The following DDB1 variants were observed in gnomAD, a reference collection of about 807,000 sequenced individuals.
DDB1 encodes DNA damage-binding protein 1.
In DDB1, 18 loss-of-function variants were observed where a neutral mutation model predicts 133.1. The observed-to-expected ratio is 0.14, with a 90% CI of 0.09 to 0.20. DDB1 has a LOEUF of 0.20. Ranked by LOEUF, DDB1 falls within the 10% of genes least tolerant of loss-of-function variation. The pLI is 1.00. For missense variants in DDB1, 828 were observed against 1,459.2 expected (o/e 0.57, Z 7.05); for synonymous variants, 580 against 550.5 (o/e 1.05, Z -0.75).
At position 61,309,944 on chromosome 11, in the gene DDB1, C is replaced by A. The variant is rs779271195; in HGVS notation, c.2418G>T (p.Gln806His). ...TGAGGGCATATTCATTCTGCAGAAA[C>A]TGGTGGGCATGAAGCACTAGAGAGT... Reference protein sequence around the residue: ...QHTFEVLHAHQFLQNEYALSL... With the variant: ...QHTFEVLHAHHFLQNEYALSL... The change falls in exon 20 of 27, where the codon CAG (glutamine) becomes CAT (histidine). Residue 806 changes from glutamine (Q) to histidine (H), a missense_variant. This residue lies in a region of DDB1 where 396 missense variants were observed against 554.1 expected (regional missense o/e 0.71). Transcript: ENST00000301764. 6.2e-7 allele frequency: 1 copy of A among 1,614,222 alleles called. No individual in the cohort carries two copies. The highest frequency in any genetic ancestry group is 8.5e-7 in the Non-Finnish European group (1 of 1,180,042).
At position 61,325,698 on chromosome 11, in the gene DDB1, G is replaced by A. The variant is rs753857720; in HGVS notation, c.675C>T (p.Pro225=). The change falls in exon 6 of 27, where the codon CCC becomes CCT. Residue 225 remains proline (P), a synonymous_variant. Transcript: ENST00000301764. ...EASMVIAVPE[P]FGGAIIIGQE... ...GTCCAATGATGATGGCCCCCCCAAA[G>A]GGCTCTGGGACTGCAGGAAAGACAG... 1 of 1,612,740 alleles carries A rather than the reference G, an allele frequency of 6.2e-7. No individual in the cohort carries two copies. The highest frequency in any genetic ancestry group is 1.7e-5 in the Admixed American group (1 of 59,870).
intron 4 of DDB1, among the ~76,000 whole-genome samples, chr11:61,328,828 C>T (rs1401767566): frequency 6.6e-6 from 1 of 151,982 alleles, no homozygotes; most frequent in Non-Finnish European, 1.5e-5. Context: ...CAAGATCAGG[C>T]CATCGCACTC....
At chr11:61,319,726 G>C (rs28720294) in intron 10 of DDB1, among the ~76,000 whole-genome samples, 1 of 152,148 alleles carries the variant, frequency 6.6e-6, no homozygotes, top group East Asian at 1.9e-4. Context: ...CATTGCGCCC[G>C]GCCTCTCATT....
chr11:61,305,037 C>T (rs1007717046), intron 21 of DDB1, among the ~76,000 whole-genome samples: 2 of 152,222 alleles, frequency 1.3e-5, no homozygotes, highest in African/African-American at 2.4e-5. Flanking sequence ...AAGACAGACT[C>T]AACCCATCTG....
chr11:61,332,775 T>G, intron 1 of DDB1, 133 bp downstream of exon 1: 1 of 739,880 alleles, frequency 1.4e-6, no homozygotes, highest in Non-Finnish European at 2.0e-6. Context: ...CTGGGGGAGG[T>G]TCCTCGGCCG....
intron 4 of DDB1, 77 bp from the exon 5 acceptor site, chr11:61,326,970 G>A: frequency 9.9e-7 from 1 of 1,010,810 alleles, no homozygotes; most frequent in Admixed American, 1.8e-5. Context: ...TAAGGAATAA[G>A]CCACCACTAC....
intron 5 of DDB1, chr11:61,325,956 G>C (rs1856263178): frequency 3.5e-6 from 2 of 564,748 alleles, no homozygotes; most frequent in Non-Finnish European, 6.4e-6. Context: ...TATGGGTGGG[G>C]AGTCTTCTCC....
At chr11:61,331,950 A>G (rs1856384160) in intron 1 of DDB1, 1 of 429,462 alleles carries the variant, frequency 2.3e-6, no homozygotes, top group African/African-American at 2.0e-5. Flanking sequence ...CCAAATGACA[A>G]TGACTGCGTA....
In DDB1 at chr11:61,331,732, G is replaced by T. The variant is rs1324813580; in HGVS notation, c.62-41C>A. 3.1e-6 allele frequency: 5 copies of T among 1,610,768 alleles called. No individual in the cohort carries two copies. The East Asian group carries it at 1.1e-4, about 36-fold the overall frequency. On this transcript the variant is annotated intron_variant, in intron 1 of 26. Transcript: ENST00000301764. Reference sequence around the variant, plus strand: ...CTCTAACTTTTGAACTCAGGGGAAGGGCCTCCCATCCCTTCAAAATAATCC... The same window carrying T: ...CTCTAACTTTTGAACTCAGGGGAAGTGCCTCCCATCCCTTCAAAATAATCC...
In DDB1 at chr11:61,313,885, T is replaced by C. The variant is rs1363549372; in HGVS notation, c.1838A>G (p.Tyr613Cys). The C allele has an allele frequency of 6.2e-7, 1 of 1,613,962 alleles. No homozygotes were observed. The highest frequency in any genetic ancestry group is 8.5e-7 in the Non-Finnish European group (1 of 1,180,006). Residue 613 changes from tyrosine to cysteine, a missense_variant, in exon 15 of 27, where the codon TAC becomes TGC. Tyr to Cys is a radical substitution (Grantham distance 194, BLOSUM62 -2). This residue lies in a region of DDB1 where 396 missense variants were observed against 554.1 expected (regional missense o/e 0.71). Coordinates refer to ENST00000301764, the MANE Select transcript of DDB1 (RefSeq NM_001923.5). ...ACCTGTCTCAATGTTGAGCCCAAAG[T>C]AGAAAAGCGCTCCATCTCCCAAGGC... ...LCALGDGALF[Y>C]FGLNIETGLL... is the part of the protein sequence containing the mutation.
intron 5 of DDB1, chr11:61,326,149 G>A (rs934998314): frequency 3.9e-6 from 1 of 257,838 alleles, no homozygotes; most frequent in African/African-American, 2.3e-5. Flanking sequence ...TCCCTACTGA[G>A]TGAGACAAAC....
At chr11:61,323,332 T>C in intron 7 of DDB1, 1 of 530,996 alleles carries the variant, frequency 1.9e-6, no homozygotes, top group South Asian at 2.4e-5. Context: ...TGCATATTCC[T>C]GCTCCAAAAG....
intron 1 of DDB1, chr11:61,331,972 T>C (rs928817143): frequency 2.4e-5 from 8 of 333,712 alleles, no homozygotes; most frequent in African/African-American, 1.2e-4. Context: ...TCCCTTCTCA[T>C]GCCTCTTGCC....
chr11:61,325,766 C>T, intron 5 of DDB1, 58 bp from the exon 6 acceptor site: 2 of 1,415,696 alleles, frequency 1.4e-6, no homozygotes, highest in East Asian at 4.6e-5. Context: ...CAAACCAGGA[C>T]TGGCAAAAGT....
Position 61,331,895 on chromosome 11 carries a change from A to G in DDB1, c.62-204T>C, listed in dbSNP as rs1392662747. 4 of 603,822 alleles carry G rather than the reference A, an allele frequency of 6.6e-6. No homozygotes were observed. In the African/African-American group the frequency reaches 7.4e-5, roughly 11 times the overall value. The allele number at this position is 603,822 out of a possible 1,614,324, so 37.4% of individuals were successfully genotyped here. ...ATGCATTCAACAAAGCTACTTCCCT[A>G]ATCAGACTAAGAAAACTGGACTGGA... On this transcript the variant is annotated intron_variant, in intron 1 of 26. Transcript: ENST00000301764.
intron 22 of DDB1, chr11:61,303,357 T>C: frequency 3.8e-6 from 2 of 525,010 alleles, no homozygotes; most frequent in Non-Finnish European, 6.9e-6. Context: ...TGCCCAGAGA[T>C]GGAGCCTAGT....
chr11:61,310,161 A>G, intron 19 of DDB1, 134 bp downstream of exon 19: 1 of 1,419,460 alleles, frequency 7.0e-7, no homozygotes. Context: ...GCCATCTCAC[A>G]GAATTCCCAC....
At position 61,313,924 on chromosome 11, in the gene DDB1, T is replaced by C; in HGVS notation, c.1799A>G (p.His600Arg). 1.2e-6 allele frequency: 2 copies of C among 1,614,112 alleles called. No individual in the cohort carries two copies. Among genetic ancestry groups the C allele is most frequent in the Non-Finnish European group, 1.7e-6 (2 of 1,180,028 alleles). Residue 600 changes from histidine to arginine, a missense_variant, in exon 15 of 27, where the codon CAT becomes CGT. His to Arg is a conservative substitution (Grantham distance 29). This residue lies in a region of DDB1 where 396 missense variants were observed against 554.1 expected (regional missense o/e 0.71). Coordinates refer to ENST00000301764, the MANE Select transcript of DDB1 (RefSeq NM_001923.5). ...SILMTTFESS[H>R]YLLCALGDGA... ...ATCTCCCAAGGCACAAAGGAGGTAA[T>C]GGCTACTCTCAAAGGTGGTCATCAG...
chr11:61,321,295 T>C (rs1856173981), intron 10 of DDB1: 1 of 225,938 alleles, frequency 4.4e-6, no homozygotes, highest in Non-Finnish European at 8.6e-6. Context: ...CAGTCTCTCC[T>C]TTCTTTATGA....
Sources: allele counts gnomAD v4.1 joint callset (sites outside exome capture counted in the v4.1 genomes callset), GRCh38; gene constraint gnomAD v4.1.1; regional missense constraint gnomAD v4.1.1; transcripts MANE v1.5; gene names NCBI Gene and HGNC (gene_info 2026-07-23, HGNC 2026-07-21).